The following DIAPH2 variants were observed in gnomAD, a reference collection of about 807,000 sequenced individuals.
DIAPH2 encodes the protein diaphanous related formin 2, also known as protein diaphanous homolog 2.
A neutral mutation model predicts 92.7 loss-of-function variants in DIAPH2; 35 were observed. That is an observed-to-expected ratio of 0.38 (90% CI 0.29 to 0.50). The LOEUF (loss-of-function observed/expected upper bound fraction) is 0.50. DIAPH2 is among the 20% of genes least tolerant of loss of function. The pLI, the probability that DIAPH2 is intolerant of heterozygous loss-of-function variation, is 0.94. For synonymous variants in DIAPH2, 301 were observed against 280.4 expected, an observed-to-expected ratio of 1.07 and a Z score of -0.73; for missense variants, 701 against 819.5, an observed-to-expected ratio of 0.86 and a Z score of 1.77.
chrX:96,824,890 T>C (rs1478182017), intron 4 of DIAPH2, among the ~76,000 whole-genome samples: 3 of 111,098 alleles, frequency 2.7e-5, no homozygotes, highest in Non-Finnish European at 3.8e-5. Flanking sequence ...TGGTTGTTTA[T>C]ATGTAACTAA....
intron 4 of DIAPH2, among the ~76,000 whole-genome samples, chrX:96,838,031 A>C (rs1192302312): frequency 1.8e-5 from 2 of 112,058 alleles, no homozygotes; most frequent in Non-Finnish European, 3.8e-5. Context: ...GTTGCTTGGC[A>C]GTAAGCTCTT....
At chrX:96,735,383 T>A (rs1162729145) in intron 1 of DIAPH2, among the ~76,000 whole-genome samples, 4 of 111,616 alleles carry the variant, frequency 3.6e-5, no homozygotes, top group Admixed American at 9.5e-5. Flanking sequence ...TACGTGGTGT[T>A]GTTTTTTAAA....
intron 4 of DIAPH2, among the ~76,000 whole-genome samples, chrX:96,765,479 G>T (rs934627381): frequency 1.8e-5 from 2 of 111,336 alleles, no homozygotes; most frequent in Non-Finnish European, 3.8e-5. Context: ...GATTACAGGC[G>T]TGAGCCACCA....
rs1026016219 is a variant in DIAPH2, at chrX:97,600,282, C to A, written c.*965C>A. The A allele has an allele frequency of 8.9e-6, 1 of 111,965 alleles. No individual in the cohort carries two copies. Among genetic ancestry groups the A allele is most frequent in the Non-Finnish European group, 1.9e-5 (1 of 53,047 alleles). The allele number at this position is 111,965 out of a possible 1,213,427, so 9.2% of individuals were successfully genotyped here. On this transcript the variant is annotated 3_prime_UTR_variant, in exon 27 of 27. Transcript: ENST00000324765. ...AGGCAGGGAATAGACTTCTAGAAAA[C>A]CTGAGAGGAAAAAGAATTCTTTTTA...
At chrX:96,699,946 C>A (rs750661546) in intron 1 of DIAPH2, among the ~76,000 whole-genome samples, 1 of 112,227 alleles carries the variant, frequency 8.9e-6, no homozygotes, top group East Asian at 2.8e-4. Context: ...TCTGTGGATT[C>A]TTTGATACTT....
At position 97,554,900 on chromosome X, in the gene DIAPH2, G is replaced by A. The variant is rs773665485; in HGVS notation, c.3242-44353G>A. On this transcript the variant is annotated intron_variant, in intron 26 of 26. Transcript: ENST00000324765. ...ATAAAATAATGCCTGGTGTCTCAACGCTGGCCCACAAACTAGTCTACTCTA... is the reference window on the plus strand; with the variant it reads ...ATAAAATAATGCCTGGTGTCTCAACACTGGCCCACAAACTAGTCTACTCTA... Among the ~76,000 whole-genome samples the A allele has an allele frequency of 6.3e-5, 7 of 111,261 alleles. 1 individual carries two copies. The South Asian group carries it at 2.3e-3, about 37-fold the overall frequency.
At chrX:97,168,432 T>C (rs774216804) in intron 22 of DIAPH2, among the ~76,000 whole-genome samples, 49 of 111,557 alleles carry the variant, frequency 4.4e-4, no homozygotes, top group African/African-American at 1.5e-3. Context: ...CTTAGACTTT[T>C]TGTATTTTAA....
At chrX:96,838,320 A>G (rs1379826491) in intron 4 of DIAPH2, among the ~76,000 whole-genome samples, 2 of 111,874 alleles carry the variant, frequency 1.8e-5, no homozygotes, top group Admixed American at 9.5e-5. Context: ...CAGCAGAACT[A>G]TAGTAAGCAT....
intron 10 of DIAPH2, among the ~76,000 whole-genome samples, chrX:96,936,724 G>C (rs2065660289): frequency 9.0e-6 from 1 of 111,703 alleles, no homozygotes; most frequent in African/African-American, 3.2e-5. Flanking sequence ...ACGCCTTTTT[G>C]CTTTAAAATC....
At chrX:97,342,546 G>C (rs1391026799) in intron 23 of DIAPH2, among the ~76,000 whole-genome samples, 1 of 111,908 alleles carries the variant, frequency 8.9e-6, no homozygotes, top group African/African-American at 3.2e-5. Flanking sequence ...TTTTTAAAAA[G>C]GTTAGGTACA....
At chrX:96,765,467 G>T (rs1265679839) in intron 4 of DIAPH2, among the ~76,000 whole-genome samples, 1 of 111,094 alleles carries the variant, frequency 9.0e-6, no homozygotes, top group African/African-American at 3.3e-5. Context: ...TTAAAGTGCT[G>T]AGATTACAGG....
At chrX:97,375,388 G>A (rs1314392049) in intron 24 of DIAPH2, among the ~76,000 whole-genome samples, 2 of 110,889 alleles carry the variant, frequency 1.8e-5, no homozygotes, top group African/African-American at 3.3e-5. Flanking sequence ...CCTGGGAGGC[G>A]GAGGTTGCAG....
intron 23 of DIAPH2, among the ~76,000 whole-genome samples, chrX:97,262,773 A>G (rs762103587): frequency 8.9e-6 from 1 of 112,166 alleles, no homozygotes; most frequent in East Asian, 2.8e-4. Flanking sequence ...GTTTAAAGCC[A>G]TTAGACTGGT....
chrX:96,756,499 A>G (rs1022546146), intron 3 of DIAPH2, among the ~76,000 whole-genome samples: 3 of 111,949 alleles, frequency 2.7e-5, no homozygotes, highest in African/African-American at 6.5e-5. Context: ...TCATTGTATG[A>G]TATGCCACAT....
intron 20 of DIAPH2, among the ~76,000 whole-genome samples, chrX:97,104,835 A>G (rs1232581764): frequency 8.9e-6 from 1 of 112,131 alleles, no homozygotes; most frequent in Non-Finnish European, 1.9e-5. Flanking sequence ...TAAAATAATG[A>G]TAATGAATAA....
At chrX:97,226,133 A>C in intron 22 of DIAPH2, among the ~76,000 whole-genome samples, 1 of 110,497 alleles carries the variant, frequency 9.1e-6, no homozygotes, top group South Asian at 3.9e-4. Flanking sequence ...TTATAGTACC[A>C]CCTCCCAAAT....
chrX:96,939,222 A>T, intron 11 of DIAPH2, 44 bp from the exon 12 acceptor site: 1 of 578,624 alleles, frequency 1.7e-6, no homozygotes, highest in Non-Finnish European at 2.9e-6. Context: ...GTTATGAATG[A>T]GACTTCCATC....
At chrX:97,417,721 A>G (rs190822448) in intron 25 of DIAPH2, among the ~76,000 whole-genome samples, 6 of 110,964 alleles carry the variant, frequency 5.4e-5, no homozygotes, top group Middle Eastern at 4.6e-3. Context: ...TCCGGCGTAA[A>G]AAATAGAATA....
intron 22 of DIAPH2, among the ~76,000 whole-genome samples, chrX:97,234,062 G>A (rs1407552562): frequency 9.1e-6 from 1 of 109,907 alleles, no homozygotes; most frequent in African/African-American, 3.3e-5. Flanking sequence ...AGTGGCTCAC[G>A]CCTGTAATCC....
Sources: allele counts gnomAD v4.1 joint callset (sites outside exome capture counted in the v4.1 genomes callset), GRCh38; gene constraint gnomAD v4.1.1; transcripts MANE v1.5; gene names NCBI Gene and HGNC (gene_info 2026-07-23, HGNC 2026-07-21).